SLC17A5: variants seen among roughly 807,000 people sequenced by gnomAD.
SLC17A5 encodes sialin.
SLC17A5 carries 47 observed loss-of-function variants against 59.4 expected under a neutral mutation model. That is an observed-to-expected ratio of 0.79 (90% CI 0.63 to 1.01). The LOEUF (loss-of-function observed/expected upper bound fraction) is 1.01. Ranked by LOEUF, SLC17A5 falls within the 50% of genes least tolerant of loss-of-function variation. The probability of loss-of-function intolerance (pLI) is 0.00; values close to 1 mark genes in which losing one functional copy is unlikely to be tolerated. For missense variants in SLC17A5, 522 were observed against 595.5 expected (o/e 0.88, Z 1.28); for synonymous variants, 202 against 210.7 (o/e 0.96, Z 0.36).
chr6:73,600,459 T>A lies in SLC17A5; in HGVS notation c.1260-18A>T. On this transcript the variant is annotated intron_variant, in intron 9 of 10. Transcript: ENST00000355773. ...CAGCATACCTGTAGAAACATTTTCA[T>A]AGACGTTTATTATTGTGATACACAT... is the stretch of plus-strand genomic sequence containing the variant. The A allele has an allele frequency of 6.4e-7, 1 of 1,571,788 alleles. No homozygotes were observed. Among genetic ancestry groups the A allele is most frequent in the Non-Finnish European group, 8.8e-7 (1 of 1,141,736 alleles).
At chr6:73,644,362 T>A (rs1322725174) in intron 2 of SLC17A5, 45 bp downstream of exon 2, 1 of 1,446,236 alleles carries the variant, frequency 6.9e-7, no homozygotes, top group Non-Finnish European at 9.7e-7. Context: ...TACTTGCAAG[T>A]ATTTTAGGAT....
At chr6:73,624,732 G>A (rs1184393167) in intron 6 of SLC17A5, among the ~76,000 whole-genome samples, 2 of 152,106 alleles carry the variant, frequency 1.3e-5, no homozygotes, top group African/African-American at 4.8e-5. Flanking sequence ...AAATTAGCTG[G>A]ATGTGGTGGC....
intron 1 of SLC17A5, among the ~76,000 whole-genome samples, chr6:73,652,838 G>A (rs1317039017): frequency 2.0e-5 from 3 of 152,180 alleles, no homozygotes; most frequent in Non-Finnish European, 4.4e-5. Flanking sequence ...TTCTGGGTTA[G>A]CCAAAGTCAA....
At chr6:73,607,351 C>T (rs756144383) in intron 9 of SLC17A5, among the ~76,000 whole-genome samples, 1 of 151,226 alleles carries the variant, frequency 6.6e-6, no homozygotes, top group Non-Finnish European at 1.5e-5. Context: ...TCACTGCAAC[C>T]TCCACCTCCC....
intron 1 of SLC17A5, among the ~76,000 whole-genome samples, chr6:73,651,612 G>A (rs1252450116): frequency 6.6e-6 from 1 of 151,160 alleles, no homozygotes; most frequent in Non-Finnish European, 1.5e-5. Context: ...GCGTGATCTC[G>A]GCTCACTGCA....
Position 73,628,727 on chromosome 6 carries a change from T to A in SLC17A5, c.819+6655A>T, listed in dbSNP as rs185008029. On this transcript the variant is annotated intron_variant, in intron 6 of 10. Coordinates refer to ENST00000355773, the MANE Select transcript of SLC17A5 (RefSeq NM_012434.5). ...GGAAAAATCAATGAGATCCTGAATCTTGTATTCAGAATGTATCATCGAATT... is the reference window on the plus strand; with the variant it reads ...GGAAAAATCAATGAGATCCTGAATCATGTATTCAGAATGTATCATCGAATT... Among the ~76,000 whole-genome samples, 590 of 152,352 alleles carry A rather than the reference T, an allele frequency of 3.9e-3. 6 individuals are homozygous for A. Among genetic ancestry groups the A allele is most frequent in the Non-Finnish European group, 3.7e-3 (249 of 68,036 alleles).
At chr6:73,620,876 CATGCCCGGTTAATT>C (rs1768109812) in intron 7 of SLC17A5, among the ~76,000 whole-genome samples, 2 of 152,134 alleles carry the variant, frequency 1.3e-5, no homozygotes, top group South Asian at 4.1e-4. Context: ...TGTAGGCCAC[CATGCCCGGTTAATT>C]TTTTTGTGTG....
intron 6 of SLC17A5, among the ~76,000 whole-genome samples, chr6:73,622,513 G>A (rs1171403230): frequency 6.6e-6 from 1 of 152,074 alleles, no homozygotes; most frequent in Non-Finnish European, 1.5e-5. Flanking sequence ...TGTTGGTTAG[G>A]CTGGTCTTGA....
chr6:73,632,780 G>A (rs1050819584), intron 6 of SLC17A5, among the ~76,000 whole-genome samples: 9 of 151,618 alleles, frequency 5.9e-5, no homozygotes, highest in African/African-American at 2.2e-4. Flanking sequence ...AAACTCAAAA[G>A]TTTTATCAGT....
intron 6 of SLC17A5, among the ~76,000 whole-genome samples, chr6:73,624,234 T>C (rs540668688): frequency 2.0e-4 from 30 of 151,860 alleles, no homozygotes; most frequent in African/African-American, 6.3e-4. Flanking sequence ...TGAAACCCTG[T>C]CTCTACTAAA....
intron 9 of SLC17A5, among the ~76,000 whole-genome samples, chr6:73,601,639 G>C (rs558306336): frequency 1.1e-5 from 1 of 90,392 alleles, no homozygotes; most frequent in Non-Finnish European, 2.3e-5. Context: ...AGGGAGGTGG[G>C]GGGGGGTCAG....
chr6:73,628,378 T>G (rs1279681049), intron 6 of SLC17A5, among the ~76,000 whole-genome samples: 1 of 152,108 alleles, frequency 6.6e-6, no homozygotes, highest in Non-Finnish European at 1.5e-5. Context: ...GAGACCAACT[T>G]GGCCAACACA....
intron 7 of SLC17A5, among the ~76,000 whole-genome samples, chr6:73,620,364 CCCA>C (rs1277257060): frequency 6.6e-6 from 1 of 151,998 alleles, no homozygotes; most frequent in Non-Finnish European, 1.5e-5. Flanking sequence ...AAAAATCAGC[CCCA>C]CTTTATAGTT....
intron 9 of SLC17A5, among the ~76,000 whole-genome samples, chr6:73,603,152 T>G (rs1581957088): frequency 6.6e-6 from 1 of 152,186 alleles, no homozygotes; most frequent in South Asian, 2.1e-4. Context: ...ATTTTTTTTT[T>G]TGAGACGGAG....
intron 1 of SLC17A5, among the ~76,000 whole-genome samples, chr6:73,647,306 A>C (rs1308123186): frequency 6.6e-6 from 1 of 152,258 alleles, no homozygotes; most frequent in Non-Finnish European, 1.5e-5. Flanking sequence ...CAGGGAGATC[A>C]CTTAAAGGAC....
intron 8 of SLC17A5, among the ~76,000 whole-genome samples, chr6:73,611,507 T>A (rs982495127): frequency 3.3e-5 from 5 of 152,054 alleles, no homozygotes; most frequent in Non-Finnish European, 7.4e-5. Context: ...CTCGAACTCC[T>A]GACCTCAAGC....
intron 10 of SLC17A5, among the ~76,000 whole-genome samples, chr6:73,595,808 G>A (rs560477642): frequency 2.6e-5 from 4 of 152,042 alleles, no homozygotes; most frequent in Middle Eastern, 3.4e-3. Context: ...CACTTTCTGG[G>A]CTGAGGCAAT....
At chr6:73,644,631 A>T (rs1233394694) in intron 1 of SLC17A5, 28 bp from the exon 2 acceptor site, 2 of 1,585,392 alleles carry the variant, frequency 1.3e-6, no homozygotes, top group South Asian at 2.3e-5. Context: ...GAAAATTTTT[A>T]TTTATTTTTA....
At chr6:73,597,814 A>T (rs1766884709) in intron 10 of SLC17A5, among the ~76,000 whole-genome samples, 1 of 151,936 alleles carries the variant, frequency 6.6e-6, no homozygotes, top group Non-Finnish European at 1.5e-5. Context: ...CAAACAAAAA[A>T]CCCAAACAAA....
Sources: gnomAD v4.1 joint callset for allele counts (sites outside exome capture counted in the v4.1 genomes callset) on GRCh38, gnomAD v4.1.1 for gene constraint, MANE v1.5 for transcripts, NCBI Gene and HGNC (gene_info 2026-07-23, HGNC 2026-07-21) for gene names.